Variants in TM2D1 observed in about 807,000 individuals in gnomAD.
The protein encoded by TM2D1 is TM2 domain-containing protein 1.
Under a neutral mutation model 28.4 loss-of-function variants are expected in TM2D1, and 15 were observed. That is an observed-to-expected ratio of 0.53 (90% CI 0.35 to 0.81). The LOEUF (loss-of-function observed/expected upper bound fraction) is 0.81, where lower values mean the gene tolerates loss of function less well. TM2D1 is among the 40% of genes least tolerant of loss of function. The probability of loss-of-function intolerance (pLI) is 0.01; values close to 1 mark genes in which losing one functional copy is unlikely to be tolerated. For synonymous variants in TM2D1, 93 were observed against 96.2 expected, an observed-to-expected ratio of 0.97 and a Z score of 0.20; for missense variants, 236 against 254.9, an observed-to-expected ratio of 0.93 and a Z score of 0.50.
chr1:61,703,063 G>A (rs1044494854), intron 3 of TM2D1, among the ~76,000 whole-genome samples: 1 of 151,460 alleles, frequency 6.6e-6, no homozygotes, highest in South Asian at 2.1e-4. Flanking sequence ...CCAAGATCAC[G>A]CCATTGCACT....
At chr1:61,683,602 TTTG>T in intron 5 of TM2D1, 56 bp from the exon 6 acceptor site, 1 of 858,298 alleles carries the variant, frequency 1.2e-6, no homozygotes, top group Non-Finnish European at 1.8e-6. Flanking sequence ...TTCACAGCAC[TTTG>T]TTTACTTTTC....
chr1:61,691,932 A>AAATATATATATATATATATATATAT, intron 5 of TM2D1, among the ~76,000 whole-genome samples: 8 of 76,398 alleles, frequency 1.0e-4, no homozygotes, highest in Non-Finnish European at 2.1e-4. Context: ...AAAAAAAAAA[A>AAATATATATATATATATATATATAT]ATATATATAT....
intron 2 of TM2D1, among the ~76,000 whole-genome samples, chr1:61,710,718 A>G (rs1238490712): frequency 6.6e-6 from 1 of 152,008 alleles, no homozygotes; most frequent in African/African-American, 2.4e-5. Context: ...TTTAAAATAA[A>G]ACTGTGTATA....
chr1:61,722,002 T>A (rs1644571675), intron 2 of TM2D1, among the ~76,000 whole-genome samples: 1 of 150,176 alleles, frequency 6.7e-6, no homozygotes, highest in Admixed American at 6.6e-5. Context: ...TCCTGGTGGT[T>A]CATGCCTGTA....
At chr1:61,701,483 C>CA (rs1358645596) in intron 3 of TM2D1, among the ~76,000 whole-genome samples, 1 of 151,274 alleles carries the variant, frequency 6.6e-6, no homozygotes, top group Non-Finnish European at 1.5e-5. Flanking sequence ...GTGTCACAGG[C>CA]AAAAAAGACA....
intron 3 of TM2D1, among the ~76,000 whole-genome samples, chr1:61,702,393 G>T (rs1245743097): frequency 5.3e-5 from 8 of 149,838 alleles, no homozygotes; most frequent in Non-Finnish European, 1.2e-4. Flanking sequence ...TTTTGAGATG[G>T]AATCTCACTC....
At chr1:61,684,078 T>A (rs1343048501) in intron 5 of TM2D1, among the ~76,000 whole-genome samples, 2 of 152,132 alleles carry the variant, frequency 1.3e-5, no homozygotes, top group Admixed American at 6.5e-5. Flanking sequence ...GTTGTATCAT[T>A]GACAGTCCTG....
intron 5 of TM2D1, chr1:61,694,471 T>C (rs1644350156): frequency 2.8e-6 from 1 of 351,924 alleles, no homozygotes; most frequent in Non-Finnish European, 5.2e-6. Flanking sequence ...GGGATATTTT[T>C]TAATGAACTT....
Position 61,690,456 on chromosome 1 carries a change from C to CAAAAAAAAAAAAAAAAAAAAAAAAAA in TM2D1, c.513+4240_513+4241insTTTTTTTTTTTTTTTTTTTTTTTTTT, listed in dbSNP as rs762550068. Among the ~76,000 whole-genome samples the CAAAAAAAAAAAAAAAAAAAAAAAAAA allele has an allele frequency of 1.8e-4, 11 of 60,032 alleles. No individual in the cohort carries two copies. The East Asian group carries it at 1.9e-3, about 10-fold the overall frequency. 39.4% of individuals were successfully genotyped at this position (60,032 alleles called of 152,430 possible). ...TGAGCAATAGGGCAAGACTCAGTCTCAAAAAAAAAAAAAAAAAAAAAAAAA... is the reference window on the plus strand; with the variant it reads ...TGAGCAATAGGGCAAGACTCAGTCTCAAAAAAAAAAAAAAAAAAAAAAAAAAAAAAAAAAAAAAAAAAAAAAAAAAA... On this transcript the variant is annotated intron_variant, in intron 5 of 6. Coordinates refer to ENST00000606498, the MANE Select transcript of TM2D1 (RefSeq NM_032027.3).
intron 1 of TM2D1, 35 bp from the exon 2 acceptor site, chr1:61,723,821 T>C: frequency 9.8e-7 from 1 of 1,022,026 alleles, no homozygotes; most frequent in Non-Finnish European, 1.5e-6. Context: ...CGGACTACAT[T>C]CCAACACAAC....
intron 2 of TM2D1, among the ~76,000 whole-genome samples, chr1:61,719,342 A>T (rs1644543912): frequency 1.3e-5 from 2 of 151,658 alleles, no homozygotes; most frequent in Non-Finnish European, 2.9e-5. Context: ...GGGCCACCAC[A>T]TCTGACCTGG....
At chr1:61,696,237 T>C (rs1644361670) in intron 4 of TM2D1, 1 of 152,200 alleles carries the variant, frequency 6.6e-6, no homozygotes, top group African/African-American at 2.4e-5. Flanking sequence ...TTCTTCAATT[T>C]GTTTATAAAA....
At position 61,706,626 on chromosome 1, in the gene TM2D1, T is replaced by C. The variant is rs576930141; in HGVS notation, c.347+2703A>G. Reference sequence around the variant, plus strand: ...GAGTTCGAGACCAGCCTGACAAACATGGAGAAACCCCGTCTCTACTAAGAA... The same window carrying C: ...GAGTTCGAGACCAGCCTGACAAACACGGAGAAACCCCGTCTCTACTAAGAA... On this transcript the variant is annotated intron_variant, in intron 3 of 6. Transcript: ENST00000606498. Among the ~76,000 whole-genome samples, 3 of 150,888 alleles carry C rather than the reference T, an allele frequency of 2.0e-5. No individual in the cohort carries two copies. In the South Asian group the frequency reaches 6.2e-4, roughly 31 times the overall value.
intron 3 of TM2D1, among the ~76,000 whole-genome samples, chr1:61,708,278 G>A (rs12134428): frequency 0.18 from 26,932 of 152,024 alleles, 3,000 homozygotes; most frequent in Non-Finnish European, 0.25. Flanking sequence ...CCAACTCCTG[G>A]CCTCAAGTGA....
intron 6 of TM2D1, among the ~76,000 whole-genome samples, chr1:61,682,892 CAAAA>C (rs66468339): frequency 1.6e-5 from 1 of 60,642 alleles, no homozygotes. Flanking sequence ...GACTCTGTCT[CAAAA>C]AAAAAAAAAA....
At chr1:61,704,982 T>C (rs1329465413) in intron 3 of TM2D1, among the ~76,000 whole-genome samples, 1 of 152,178 alleles carries the variant, frequency 6.6e-6, no homozygotes, top group Admixed American at 6.5e-5. Context: ...AACACTCCTT[T>C]GATATATTGA....
Position 61,725,131 on chromosome 1 carries a change from G to C in TM2D1, c.-11C>G. On this transcript the variant is annotated 5_prime_UTR_variant, in exon 1 of 7. Transcript: ENST00000606498. ...CCAGGCGGCCGCCATCTTGGAGACC[G>C]ACACTTTCTCGCCACTTCCGCTTCC... 1 of 1,613,440 alleles carries C rather than the reference G, an allele frequency of 6.2e-7. No homozygotes were observed. Among genetic ancestry groups the C allele is most frequent in the Non-Finnish European group, 8.5e-7 (1 of 1,179,842 alleles).
At chr1:61,709,557 C>T in intron 2 of TM2D1, 120 bp from the exon 3 acceptor site, 1 of 682,300 alleles carries the variant, frequency 1.5e-6, no homozygotes, top group African/African-American at 1.8e-5. Context: ...ATGACACAAG[C>T]CTTTAATTTT....
At chr1:61,706,437 A>G (rs1644441068) in intron 3 of TM2D1, among the ~76,000 whole-genome samples, 1 of 151,908 alleles carries the variant, frequency 6.6e-6, no homozygotes, top group Non-Finnish European at 1.5e-5. Flanking sequence ...AGCTCAAGCA[A>G]TCCGCCTGCC....
Sources: allele counts gnomAD v4.1 joint callset (sites outside exome capture counted in the v4.1 genomes callset), GRCh38; gene constraint gnomAD v4.1.1; transcripts MANE v1.5; gene names NCBI Gene and HGNC (gene_info 2026-07-23, HGNC 2026-07-21).